ATP8A1: variants seen among roughly 807,000 people sequenced by gnomAD.
ATP8A1 encodes phospholipid-transporting ATPase IA.
Under a neutral mutation model 177.7 loss-of-function variants are expected in ATP8A1, and 90 were observed. The observed-to-expected ratio is 0.51, with a 90% CI of 0.43 to 0.60. The LOEUF (loss-of-function observed/expected upper bound fraction) is 0.60. Among genes scored for constraint, ATP8A1 ranks in the 20% least tolerant of loss-of-function variants. The pLI, the probability that ATP8A1 is intolerant of heterozygous loss-of-function variation, is 0.00. For missense variants in ATP8A1, 1,072 were observed against 1,392.8 expected (o/e 0.77, Z 3.67); for synonymous variants, 493 against 485.9 (o/e 1.01, Z -0.19).
At chr4:42,475,830 G>A (rs1721003852) in intron 25 of ATP8A1, among the ~76,000 whole-genome samples, 2 of 152,130 alleles carry the variant, frequency 1.3e-5, no homozygotes, top group African/African-American at 4.8e-5. Flanking sequence ...CTGAGGTCAG[G>A]AGTTTGAGAC....
intron 33 of ATP8A1, among the ~76,000 whole-genome samples, chr4:42,438,585 C>CT (rs1280296173): frequency 6.6e-6 from 1 of 151,938 alleles, no homozygotes; most frequent in Admixed American, 6.6e-5. Context: ...ACTCTGGGCA[C>CT]TTTTTTAAAG....
At chr4:42,489,786 A>T (rs1560382840) in intron 24 of ATP8A1, among the ~76,000 whole-genome samples, 1 of 152,126 alleles carries the variant, frequency 6.6e-6, no homozygotes, top group Non-Finnish European at 1.5e-5. Context: ...GTAGCTAAGG[A>T]TAAATTTATT....
At chr4:42,433,048 C>T (rs1715481137) in intron 33 of ATP8A1, among the ~76,000 whole-genome samples, 1 of 152,166 alleles carries the variant, frequency 6.6e-6, no homozygotes, top group Admixed American at 6.5e-5. Context: ...AAGATGTCTG[C>T]CATGACTTAC....
chr4:42,575,562 G>T (rs2109329368), intron 13 of ATP8A1, 60 bp downstream of exon 13: 3 of 1,413,688 alleles, frequency 2.1e-6, no homozygotes, highest in African/African-American at 1.4e-5. Flanking sequence ...ATATATGGCA[G>T]ATACCACACC....
In ATP8A1 at chr4:42,554,447, G is replaced by A. The variant is rs1174492287; in HGVS notation, c.1413+1521C>T. Among the ~76,000 whole-genome samples the A allele has an allele frequency of 3.3e-5, 5 of 152,296 alleles. No individual in the cohort carries two copies. The East Asian group carries it at 9.6e-4, about 29-fold the overall frequency. On this transcript the variant is annotated intron_variant, in intron 16 of 36. Coordinates refer to ENST00000381668, the MANE Select transcript of ATP8A1 (RefSeq NM_006095.2). ...GCTGAGAATCCAAGAGGGAAGAGGT[G>A]GTCTAGGGCTAGGCTTTGTAGATCC...
intron 25 of ATP8A1, among the ~76,000 whole-genome samples, chr4:42,480,133 C>T (rs752375760): frequency 3.3e-5 from 5 of 151,516 alleles, no homozygotes; most frequent in Non-Finnish European, 7.4e-5. Context: ...ATTTAGATTT[C>T]TTATATATTT....
chr4:42,429,520 C>G (rs1201120449), intron 33 of ATP8A1, among the ~76,000 whole-genome samples: 2 of 152,056 alleles, frequency 1.3e-5, no homozygotes, highest in Non-Finnish European at 2.9e-5. Context: ...GAAAAAGAAG[C>G]AGAATATAAA....
chr4:42,553,744 T>A (rs142242369), intron 16 of ATP8A1, among the ~76,000 whole-genome samples: 2 of 152,294 alleles, frequency 1.3e-5, no homozygotes, highest in African/African-American at 4.8e-5. Flanking sequence ...AGCTTGGCGT[T>A]GTGGGGAAGA....
intron 1 of ATP8A1, among the ~76,000 whole-genome samples, chr4:42,647,800 A>T (rs1740691207): frequency 6.6e-6 from 1 of 152,146 alleles, no homozygotes; most frequent in Non-Finnish European, 1.5e-5. Context: ...GTAATATCTC[A>T]GCTATCATGT....
chr4:42,636,158 G>GCGTGCGCGCGCGCA (rs1482172817), intron 1 of ATP8A1, among the ~76,000 whole-genome samples: 2 of 23,768 alleles, frequency 8.4e-5, no homozygotes, highest in African/African-American at 2.2e-4. Flanking sequence ...ACACACACAC[G>GCGTGCGCGCGCGCA]CACACACACA....
intron 35 of ATP8A1, 161 bp from the exon 36 acceptor site, chr4:42,414,879 A>T: frequency 1.6e-6 from 1 of 614,950 alleles, no homozygotes; most frequent in Non-Finnish European, 2.9e-6. Context: ...AGCGAATGAA[A>T]TTTCAAGTAT....
chr4:42,578,424 T>C (rs143098202), intron 11 of ATP8A1, 37 bp from the exon 12 acceptor site: 2 of 1,599,090 alleles, frequency 1.3e-6, no homozygotes, highest in African/African-American at 2.7e-5. Flanking sequence ...ATTTACAGTT[T>C]TATATTTTAT....
At chr4:42,597,078 T>A (rs143098466) in intron 6 of ATP8A1, among the ~76,000 whole-genome samples, 77 of 152,294 alleles carry the variant, frequency 5.1e-4, no homozygotes, top group African/African-American at 1.8e-3. Context: ...ATCTGAGAGC[T>A]GAAGTCTGCC....
intron 33 of ATP8A1, among the ~76,000 whole-genome samples, chr4:42,437,613 C>T (rs1189663542): frequency 6.6e-6 from 1 of 152,130 alleles, no homozygotes; most frequent in African/African-American, 2.4e-5. Flanking sequence ...CCCCCGATAT[C>T]GTAATTCCTT....
At chr4:42,570,207 T>C (rs1415318879) in intron 14 of ATP8A1, among the ~76,000 whole-genome samples, 1 of 152,226 alleles carries the variant, frequency 6.6e-6, no homozygotes, top group East Asian at 1.9e-4. Context: ...TCCAGTGCAG[T>C]ATCCACTATA....
chr4:42,522,963 A>G (rs76273466), intron 21 of ATP8A1, among the ~76,000 whole-genome samples: 4,569 of 151,884 alleles, frequency 0.03, 222 homozygotes, highest in African/African-American at 0.1. Flanking sequence ...GACTTATTAT[A>G]GAGGCCTCAC....
At chr4:42,432,698 T>C (rs1174507347) in intron 33 of ATP8A1, among the ~76,000 whole-genome samples, 1 of 152,216 alleles carries the variant, frequency 6.6e-6, no homozygotes, top group Non-Finnish European at 1.5e-5. Flanking sequence ...TAAGTTCATA[T>C]GAACCTTGGC....
intron 5 of ATP8A1, among the ~76,000 whole-genome samples, chr4:42,603,334 G>A (rs116548640): frequency 0.018 from 2,787 of 152,154 alleles, 72 homozygotes; most frequent in African/African-American, 0.063. Context: ...TTAACCTCAC[G>A]AGGGTTATTT....
chr4:42,419,000 G>A (rs1713559832), intron 35 of ATP8A1, among the ~76,000 whole-genome samples: 1 of 152,142 alleles, frequency 6.6e-6, no homozygotes, highest in Admixed American at 6.5e-5. Flanking sequence ...AATTGGGGAT[G>A]ATCAACTCAC....
Sources: allele counts gnomAD v4.1 joint callset (sites outside exome capture counted in the v4.1 genomes callset), GRCh38; gene constraint gnomAD v4.1.1; transcripts MANE v1.5; gene names NCBI Gene and HGNC (gene_info 2026-07-23, HGNC 2026-07-21).